The following PCDH15 variants were observed in gnomAD, a reference collection of about 807,000 sequenced individuals.
PCDH15 encodes protocadherin-15.
In PCDH15, 129 loss-of-function variants were observed where a neutral mutation model predicts 178.5. The ratio of observed to expected loss-of-function variants is 0.72; its 90% CI spans 0.63 to 0.84. The LOEUF (loss-of-function observed/expected upper bound fraction) is 0.84. Among genes scored for constraint, PCDH15 ranks in the 40% least tolerant of loss-of-function variants. The probability of loss-of-function intolerance (pLI) is 0.00; values close to 1 mark genes in which losing one functional copy is unlikely to be tolerated. For missense variants in PCDH15, 2,230 were observed against 2,099.9 expected (o/e 1.06, Z -1.21); for synonymous variants, 800 against 732.0 (o/e 1.09, Z -1.50).
chr10:55,485,051 A>G (rs1344444185), intron 2 of PCDH15, among the ~76,000 whole-genome samples: 1 of 151,784 alleles, frequency 6.6e-6, no homozygotes, highest in East Asian at 1.9e-4. Context: ...TTGTCAATCC[A>G]CAAAGCCTCT....
chr10:54,594,233 C>T (rs2092068034), intron 2 of PCDH15, among the ~76,000 whole-genome samples: 1 of 152,114 alleles, frequency 6.6e-6, no homozygotes, highest in Non-Finnish European at 1.5e-5. Context: ...GACAGAACTC[C>T]AGCTGCAGCA....
chr10:54,806,185 A>C (rs1299606753), upstream of PCDH15, among the ~76,000 whole-genome samples: 4 of 152,288 alleles, frequency 2.6e-5, no homozygotes, highest in East Asian at 7.7e-4. Flanking sequence ...AAAATAGTTT[A>C]ATTGGTTTAA....
At chr10:55,156,449 A>T (rs1591949773) in intron 2 of PCDH15, among the ~76,000 whole-genome samples, 1 of 152,014 alleles carries the variant, frequency 6.6e-6, no homozygotes, top group Non-Finnish European at 1.5e-5. Flanking sequence ...CTGATTTTTG[A>T]CCAATTGGCA....
chr10:54,793,756 C>G lies in PCDH15; in HGVS notation c.-29+7169G>C, dbSNP rs116543956. ...TATATATGTAAAACTGTGCTTAGAA[C>G]TTGGGGTAGGATAAAAAATGAGCTG... On this transcript the variant is annotated intron_variant, in intron 1 of 37. Transcript: ENST00000644397. 8.5e-3 allele frequency among the ~76,000 whole-genome samples: 1,249 copies of G among 147,388 alleles called. 20 individuals carry two copies. The highest frequency in any genetic ancestry group is 0.029 in the African/African-American group (1,170 of 40,452).
chr10:55,299,736 A>G (rs1227596125), intron 1 of PCDH15, among the ~76,000 whole-genome samples: 1 of 152,212 alleles, frequency 6.6e-6, no homozygotes, highest in Non-Finnish European at 1.5e-5. Flanking sequence ...CTCCAATAAA[A>G]TATGACACTC....
At chr10:54,124,446 T>C (rs914254384) in intron 15 of PCDH15, among the ~76,000 whole-genome samples, 1 of 151,790 alleles carries the variant, frequency 6.6e-6, no homozygotes, top group East Asian at 1.9e-4. Context: ...ATGTACTTAA[T>C]GCCAAAGATG....
chr10:54,834,255 T>A (rs1953275223), intron 3 of PCDH15, among the ~76,000 whole-genome samples: 1 of 151,498 alleles, frequency 6.6e-6, no homozygotes, highest in Non-Finnish European at 1.5e-5. Context: ...AGTGGCACAA[T>A]CTTGGCTCAC....
intron 2 of PCDH15, among the ~76,000 whole-genome samples, chr10:55,103,873 T>G (rs10825464): frequency 0.085 from 12,872 of 152,138 alleles, 665 homozygotes; most frequent in East Asian, 0.26. Context: ...TAAAAGACAG[T>G]TGCTTACTGA....
At chr10:54,141,209 C>A (rs1033227878) in intron 14 of PCDH15, among the ~76,000 whole-genome samples, 10 of 151,884 alleles carry the variant, frequency 6.6e-5, no homozygotes, top group African/African-American at 2.2e-4. Context: ...GTATTTCCAA[C>A]AATTCACCAT....
At chr10:55,460,298 G>C (rs551753923) in intron 2 of PCDH15, among the ~76,000 whole-genome samples, 43 of 151,652 alleles carry the variant, frequency 2.8e-4, no homozygotes, top group African/African-American at 8.9e-4. Context: ...TATTGGGATG[G>C]CTAAAATAAA....
At chr10:54,347,773 C>G (rs1943538943) in intron 5 of PCDH15, among the ~76,000 whole-genome samples, 1 of 151,964 alleles carries the variant, frequency 6.6e-6, no homozygotes, top group Non-Finnish European at 1.5e-5. Flanking sequence ...AATATGGAGC[C>G]CATGCTACCA....
intron 2 of PCDH15, among the ~76,000 whole-genome samples, chr10:55,327,061 A>G (rs563077042): frequency 1.1e-4 from 17 of 152,224 alleles, no homozygotes; most frequent in Non-Finnish European, 2.2e-4. Flanking sequence ...GTAAAATCCA[A>G]AATCCCAAAG....
At chr10:55,229,192 A>G (rs973673928) in intron 1 of PCDH15, among the ~76,000 whole-genome samples, 4 of 151,910 alleles carry the variant, frequency 2.6e-5, no homozygotes, top group African/African-American at 9.7e-5. Context: ...AGTATGGGAT[A>G]AGCACATGGC....
intron 2 of PCDH15, among the ~76,000 whole-genome samples, chr10:55,519,157 C>T (rs78270946): frequency 1.4e-5 from 2 of 143,190 alleles, no homozygotes; most frequent in Non-Finnish European, 3.0e-5. Context: ...TCTGACCTAA[C>T]TCAGCCAGCT....
chr10:53,900,737 T>C (rs915726668), intron 26 of PCDH15, among the ~76,000 whole-genome samples: 1 of 152,160 alleles, frequency 6.6e-6, no homozygotes, highest in African/African-American at 2.4e-5. Flanking sequence ...ATAATTTACA[T>C]AGCACAGAGC....
At chr10:53,879,886 A>G (rs547885886) in intron 26 of PCDH15, among the ~76,000 whole-genome samples, 54 of 152,176 alleles carry the variant, frequency 3.5e-4, no homozygotes, top group Non-Finnish European at 6.9e-4. Flanking sequence ...TCCTGGCCTC[A>G]TGTGTTCCGC....
chr10:53,806,702 G>A lies in PCDH15; in HGVS notation c.5100C>T (p.Ser1700=). Residue 1700 remains serine, a synonymous_variant, in exon 38 of 38, where the codon TCC becomes TCT. Coordinates refer to ENST00000644397, the MANE Select transcript of PCDH15 (RefSeq NM_001384140.1). The part of the protein sequence containing the change: ...NRLKSTVEQE[S]MIDSKNIKEA... ...CCTTGATGTTCTTACTGTCAATCAT[G>A]GACTCCTGTTCAACTGTGCTTTTCA... is the stretch of plus-strand genomic sequence containing the variant. The A allele has an allele frequency of 6.2e-7, 1 of 1,613,766 alleles. No homozygotes were observed.
At chr10:53,821,479 T>G in intron 32 of PCDH15, 4 of 1,020,790 alleles carry the variant, frequency 3.9e-6, no homozygotes, top group Non-Finnish European at 4.7e-6. Flanking sequence ...CTTGGAACAT[T>G]CATATAAAAC....
chr10:55,179,088 T>G (rs999681060), intron 1 of PCDH15, among the ~76,000 whole-genome samples: 3 of 152,168 alleles, frequency 2.0e-5, no homozygotes, highest in African/African-American at 7.2e-5. Flanking sequence ...CTTGTAAAAT[T>G]TGTTTCTTTT....
Sources: gnomAD v4.1 joint callset for allele counts (sites outside exome capture counted in the v4.1 genomes callset) on GRCh38, gnomAD v4.1.1 for gene constraint, MANE v1.5 for transcripts, NCBI Gene and HGNC (gene_info 2026-07-23, HGNC 2026-07-21) for gene names.